Variants in CD2AP observed in about 807,000 individuals in gnomAD.
The protein encoded by CD2AP is CD2 associated protein.
A neutral mutation model predicts 85.1 loss-of-function variants in CD2AP; 46 were observed. The ratio of observed to expected loss-of-function variants is 0.54; its 90% confidence interval spans 0.43 to 0.69. The LOEUF (loss-of-function observed/expected upper bound fraction) is 0.69, where lower values mean the gene tolerates loss of function less well. Among genes scored for constraint, CD2AP ranks in the 30% least tolerant of loss-of-function variants. The pLI, the probability that CD2AP is intolerant of heterozygous loss-of-function variation, is 0.00. For synonymous variants in CD2AP, 255 were observed against 252.9 expected, an observed-to-expected ratio of 1.01 and a Z score of -0.08; for missense variants, 769 against 729.5, an observed-to-expected ratio of 1.05 and a Z score of -0.62.
intron 2 of CD2AP, among the ~76,000 whole-genome samples, chr6:47,516,611 TC>T (rs2114000972): frequency 6.6e-6 from 1 of 152,316 alleles, no homozygotes; most frequent in East Asian, 1.9e-4. Flanking sequence ...TGAGAGAAGA[TC>T]CTGAATTGGT....
intron 3 of CD2AP, among the ~76,000 whole-genome samples, chr6:47,538,984 G>A (rs758430664): frequency 1.5e-4 from 23 of 152,072 alleles, no homozygotes; most frequent in Non-Finnish European, 3.2e-4. Flanking sequence ...TGAAATTTTT[G>A]AACTCTTGTG....
At position 47,579,542 on chromosome 6, in the gene CD2AP, A is replaced by T. The variant is rs559932679; in HGVS notation, c.1008+53A>T. 7 of 1,166,292 alleles carry T rather than the reference A, an allele frequency of 6.0e-6. No individual in the cohort carries two copies. The African/African-American group carries it at 7.6e-5, about 13-fold the overall frequency. The allele number at this position is 1,166,292 out of a possible 1,614,324, so 72.2% of individuals were successfully genotyped here. A position where few individuals can be genotyped will look rare whatever the true frequency, so the allele number is the denominator to read the frequency against. ...ATACTTGAAAGAACATTTTGCCACT[A>T]TTCTTTTGCAAACAAGTTTTTTTGC... On this transcript the variant is annotated intron_variant, in intron 9 of 17. Transcript: ENST00000359314.
At chr6:47,569,155 G>C (rs570910912) in intron 5 of CD2AP, among the ~76,000 whole-genome samples, 4 of 152,234 alleles carry the variant, frequency 2.6e-5, no homozygotes, top group Admixed American at 1.3e-4. Flanking sequence ...ATATATTCAA[G>C]ATTTGTTTTG....
intron 1 of CD2AP, among the ~76,000 whole-genome samples, 169 bp downstream of exon 1, chr6:47,478,417 C>G (rs762264070): frequency 6.6e-6 from 1 of 152,244 alleles, no homozygotes; most frequent in Middle Eastern, 3.4e-3. Context: ...CCACCTTGCT[C>G]TTCTCACGGA....
rs562538073 is a variant in CD2AP, at chr6:47,477,991, G to A, written c.-254G>A. ...CGGGCGGGCGGGGTAGGGCCCTCCC[G>A]CCGCCGTGGCTCCTGGGGAGGCCAG... On this transcript the variant is annotated 5_prime_UTR_variant, in exon 1 of 18. Transcript: ENST00000359314. 5 of 566,746 alleles carry A rather than the reference G, an allele frequency of 8.8e-6. No homozygotes were observed. The Admixed American group carries it at 1.3e-4, about 14-fold the overall frequency. The allele number at this position is 566,746 out of a possible 1,614,324, so 35.1% of individuals were successfully genotyped here.
chr6:47,613,794 A>G (rs1769508402), intron 17 of CD2AP, among the ~76,000 whole-genome samples: 1 of 152,312 alleles, frequency 6.6e-6, no homozygotes, highest in East Asian at 1.9e-4. Flanking sequence ...CCTAGATGAT[A>G]TCTTCTTTCA....
At chr6:47,560,042 T>C (rs1767811459) in intron 5 of CD2AP, among the ~76,000 whole-genome samples, 1 of 152,176 alleles carries the variant, frequency 6.6e-6, no homozygotes, top group South Asian at 2.1e-4. Flanking sequence ...ATTATATTAC[T>C]CATCTCTGGG....
chr6:47,581,339 T>C (rs951272325), intron 10 of CD2AP, among the ~76,000 whole-genome samples: 8 of 152,186 alleles, frequency 5.3e-5, no homozygotes, highest in African/African-American at 1.7e-4. Flanking sequence ...GACCTAGAAG[T>C]GTCTTCAAGA....
At chr6:47,492,475 C>T (rs758996589) in intron 1 of CD2AP, among the ~76,000 whole-genome samples, 5 of 150,636 alleles carry the variant, frequency 3.3e-5, no homozygotes, top group Non-Finnish European at 7.4e-5. Flanking sequence ...CCGTTAGGCT[C>T]CCAAGTAGCT....
intron 3 of CD2AP, among the ~76,000 whole-genome samples, chr6:47,542,972 G>A (rs1448516703): frequency 6.6e-6 from 1 of 151,920 alleles, no homozygotes; most frequent in Non-Finnish European, 1.5e-5. Flanking sequence ...CTAACATGGT[G>A]AAACCCTGCC....
chr6:47,545,954 C>T (rs1767355452), intron 4 of CD2AP, among the ~76,000 whole-genome samples: 1 of 152,066 alleles, frequency 6.6e-6, no homozygotes, highest in South Asian at 2.1e-4. Flanking sequence ...GGTTCTTTAC[C>T]ATTCCCCAAA....
At chr6:47,584,928 G>A (rs535093752) in intron 11 of CD2AP, among the ~76,000 whole-genome samples, 1 of 152,080 alleles carries the variant, frequency 6.6e-6, no homozygotes, top group East Asian at 1.9e-4. Flanking sequence ...CATGTCACCA[G>A]TTAGTCAGCA....
intron 8 of CD2AP, among the ~76,000 whole-genome samples, chr6:47,577,413 A>G (rs899883547): frequency 6.6e-6 from 1 of 151,772 alleles, no homozygotes; most frequent in South Asian, 2.1e-4. Context: ...TTTTATTCTT[A>G]CTTCTCTTCC....
chr6:47,624,933 A>G lies in CD2AP; in HGVS notation c.*706A>G, dbSNP rs889531551. On this transcript the variant is annotated 3_prime_UTR_variant, in exon 18 of 18. Coordinates refer to ENST00000359314, the MANE Select transcript of CD2AP (RefSeq NM_012120.3). ...GAATATTTTATGTTGCTTGCACTAT[A>G]GGAGTCATAAAAGGAACTTAGTTAA... 12 of 151,940 alleles carry G rather than the reference A, an allele frequency of 7.9e-5. No individual in the cohort carries two copies. Among genetic ancestry groups the G allele is most frequent in the Non-Finnish European group, 1.6e-4 (11 of 67,840 alleles). The allele number at this position is 151,940 out of a possible 1,614,324, so 9.4% of individuals were successfully genotyped here.
At chr6:47,494,002 A>G (rs1257529247) in intron 1 of CD2AP, among the ~76,000 whole-genome samples, 1 of 152,016 alleles carries the variant, frequency 6.6e-6, no homozygotes, top group African/African-American at 2.4e-5. Context: ...CATATTAATC[A>G]TAGTTATTTT....
At chr6:47,594,535 AT>A (rs1768887438) in intron 11 of CD2AP, among the ~76,000 whole-genome samples, 1 of 151,706 alleles carries the variant, frequency 6.6e-6, no homozygotes, top group Non-Finnish European at 1.5e-5. Flanking sequence ...TCCTTTGACC[AT>A]TTTTCTTGGT....
At chr6:47,533,892 T>C (rs1582525751) in intron 3 of CD2AP, 137 bp downstream of exon 3, 1 of 786,786 alleles carries the variant, frequency 1.3e-6, no homozygotes, top group East Asian at 2.7e-5. Context: ...ATGTTACTAG[T>C]TATTGCCCTG....
intron 1 of CD2AP, among the ~76,000 whole-genome samples, chr6:47,495,238 G>T (rs1355686661): frequency 6.6e-6 from 1 of 152,164 alleles, no homozygotes; most frequent in Non-Finnish European, 1.5e-5. Context: ...TAAATTGAAT[G>T]ATTGGTGTCC....
chr6:47,511,660 T>G (rs1452716491), intron 2 of CD2AP, among the ~76,000 whole-genome samples: 1 of 151,996 alleles, frequency 6.6e-6, no homozygotes, highest in Admixed American at 6.6e-5. Context: ...AAATTTTATT[T>G]AAAAAAAATT....
Sources: gnomAD v4.1 joint callset for allele counts (sites outside exome capture counted in the v4.1 genomes callset) on GRCh38, gnomAD v4.1.1 for gene constraint, MANE v1.5 for transcripts, NCBI Gene and HGNC (gene_info 2026-07-23, HGNC 2026-07-21) for gene names.